Variants in CSMD1 observed in about 807,000 individuals in gnomAD.
The protein encoded by CSMD1 is CUB and sushi domain-containing protein 1.
Under a neutral mutation model 417.5 loss-of-function variants are expected in CSMD1, and 213 were observed. The observed-to-expected ratio is 0.51, with a 90% CI of 0.46 to 0.57. CSMD1 has a LOEUF of 0.57. CSMD1 is among the 20% of genes least tolerant of loss of function. The pLI is 0.00. For synonymous variants in CSMD1, 2,862 were observed against 1,736.8 expected (o/e 1.65, Z -16.11); for missense variants, 6,923 against 4,529.7 (o/e 1.53, Z -15.17).
intron 55 of CSMD1, among the ~76,000 whole-genome samples, chr8:2,976,682 C>T (rs754579237): frequency 6.6e-6 from 1 of 152,132 alleles, no homozygotes; most frequent in East Asian, 1.9e-4. Flanking sequence ...ATGCATAGGA[C>T]AAAGATCAGA....
In CSMD1 at chr8:3,985,011, T is replaced by G. The variant is rs566040997; in HGVS notation, c.818+12892A>C. Among the ~76,000 whole-genome samples the G allele has an allele frequency of 5.9e-5, 9 of 152,234 alleles. No individual in the cohort carries two copies. In the East Asian group the frequency reaches 1.4e-3, roughly 23 times the overall value. ...TCCGATACTGGGAAAATCACGGATC[T>G]CATAAGGTGGCTCTGACCACATTTT... is the stretch of plus-strand genomic sequence containing the variant. On this transcript the variant is annotated intron_variant, in intron 5 of 69. Coordinates refer to ENST00000635120, the MANE Select transcript of CSMD1 (RefSeq NM_033225.6).
chr8:3,629,752 C>G (rs998902200), intron 7 of CSMD1, among the ~76,000 whole-genome samples: 11 of 152,226 alleles, frequency 7.2e-5, no homozygotes, highest in African/African-American at 2.4e-4. Flanking sequence ...AAAAGAAACA[C>G]ACACCTTTCA....
chr8:2,984,353 T>C (rs1273167882), intron 54 of CSMD1, among the ~76,000 whole-genome samples: 1 of 152,034 alleles, frequency 6.6e-6, no homozygotes, highest in Non-Finnish European at 1.5e-5. Flanking sequence ...TATTTACTTT[T>C]TCTTTTTTCC....
chr8:3,593,315 G>A (rs1800944062), intron 8 of CSMD1, among the ~76,000 whole-genome samples: 1 of 152,222 alleles, frequency 6.6e-6, no homozygotes, highest in Non-Finnish European at 1.5e-5. Context: ...GCCTCATGGA[G>A]AAGCCCCTGT....
In CSMD1 at chr8:4,336,544, C is replaced by T. The variant is rs533110898; in HGVS notation, c.415+83409G>A. On this transcript the variant is annotated intron_variant, in intron 3 of 69. Transcript: ENST00000635120. Reference sequence around the variant, plus strand: ...AACGTGTTCGATGAATGTCATGCTGCTTGTTTTCTAGATGGTTTCCAGTGG... The same window carrying T: ...AACGTGTTCGATGAATGTCATGCTGTTTGTTTTCTAGATGGTTTCCAGTGG... Among the ~76,000 whole-genome samples, 14 of 152,266 alleles carry T rather than the reference C, an allele frequency of 9.2e-5. No homozygotes were observed. The East Asian group carries it at 1.2e-3, about 13-fold the overall frequency.
rs184796939 is a variant in CSMD1 at position 4,418,265 on chromosome 8, T to C, written c.415+1688A>G. Among the ~76,000 whole-genome samples, 25 of 152,310 alleles carry C rather than the reference T, an allele frequency of 1.6e-4. No homozygotes were observed. The East Asian group carries it at 4.2e-3, about 26-fold the overall frequency. ...AAATAAATCCAAGTTACTCAACTTA[T>C]GGCCCTATTCCATTTTCTAGAAAGT... On this transcript the variant is annotated intron_variant, in intron 3 of 69. Transcript: ENST00000635120.
At chr8:4,133,398 A>G (rs1453372664) in intron 3 of CSMD1, among the ~76,000 whole-genome samples, 5 of 152,162 alleles carry the variant, frequency 3.3e-5, no homozygotes, top group African/African-American at 1.2e-4. Context: ...ATATACCTTC[A>G]CACCTCTGTG....
At chr8:4,257,116 G>T (rs1437518860) in intron 3 of CSMD1, among the ~76,000 whole-genome samples, 2 of 152,058 alleles carry the variant, frequency 1.3e-5, no homozygotes, top group Non-Finnish European at 2.9e-5. Context: ...TACTCTATAT[G>T]AGTCATACTC....
intron 6 of CSMD1, among the ~76,000 whole-genome samples, chr8:3,744,725 G>C (rs192662021): frequency 3.0e-4 from 45 of 152,332 alleles, no homozygotes; most frequent in South Asian, 1.2e-3. Context: ...GAAATGAAGA[G>C]TCAGTGACTT....
chr8:4,481,885 G>C (rs190955378), intron 2 of CSMD1, among the ~76,000 whole-genome samples: 36 of 152,248 alleles, frequency 2.4e-4, no homozygotes, highest in African/African-American at 8.4e-4. Flanking sequence ...AGCACAATGA[G>C]ATCAAGTAGC....
chr8:3,797,538 T>C (rs925360519), intron 5 of CSMD1, among the ~76,000 whole-genome samples: 6 of 151,966 alleles, frequency 3.9e-5, no homozygotes, highest in African/African-American at 1.4e-4. Flanking sequence ...GCAAGCTCTC[T>C]TAAATTTGGA....
At position 4,869,349 on chromosome 8, in the gene CSMD1, C is replaced by G. The variant is rs75688760; in HGVS notation, c.85+124983G>C. 8.1e-3 allele frequency among the ~76,000 whole-genome samples: 1,224 copies of G among 151,962 alleles called. 27 individuals carry two copies. Among genetic ancestry groups the G allele is most frequent in the African/African-American group, 0.028 (1,150 of 41,398 alleles). On this transcript the variant is annotated intron_variant, in intron 1 of 69. Coordinates refer to ENST00000635120, the MANE Select transcript of CSMD1 (RefSeq NM_033225.6). ...TCTGTAGGGAAACTGGATCTCTTTC[C>G]TTTATGTTAATGCTCTCTGTATTTT...
intron 1 of CSMD1, among the ~76,000 whole-genome samples, chr8:4,818,175 T>C (rs769095952): frequency 5.3e-5 from 8 of 152,178 alleles, no homozygotes; most frequent in Non-Finnish European, 5.9e-5. Context: ...TTATATATTC[T>C]CAATATATCA....
Position 3,399,464 on chromosome 8 carries a change from A to AGG in CSMD1, c.2331_2332insCC (p.Tyr778ProfsTer11). ...CATTCACAATGTAAAGAATCCTTATAATATCCTGGCCATCCAGGAGGCAAA... is the reference window on the plus strand; with the variant it reads ...CATTCACAATGTAAAGAATCCTTATAGGATATCCTGGCCATCCAGGAGGCAAA... On this transcript the variant is annotated frameshift_variant, in exon 16 of 70. Coordinates refer to ENST00000635120, the MANE Select transcript of CSMD1 (RefSeq NM_033225.6). LOFTEE classifies it high-confidence loss of function. The AGG allele has an allele frequency of 6.2e-7, 1 of 1,610,426 alleles. No individual in the cohort carries two copies. Among genetic ancestry groups the AGG allele is most frequent in the Non-Finnish European group, 8.5e-7 (1 of 1,178,216 alleles).
At chr8:3,567,223 G>C (rs1262634295) in intron 10 of CSMD1, among the ~76,000 whole-genome samples, 1 of 152,046 alleles carries the variant, frequency 6.6e-6, no homozygotes. Context: ...AATGGTGAAA[G>C]TACATGGACA....
chr8:4,417,791 C>T (rs556597824), intron 3 of CSMD1, among the ~76,000 whole-genome samples: 1 of 151,908 alleles, frequency 6.6e-6, no homozygotes, highest in Admixed American at 6.6e-5. Context: ...ACTTCATATA[C>T]ATATATATAC....
intron 5 of CSMD1, among the ~76,000 whole-genome samples, chr8:3,831,742 T>A (rs1436249789): frequency 1.3e-5 from 2 of 152,136 alleles, no homozygotes; most frequent in African/African-American, 4.8e-5. Flanking sequence ...CCAAATACAG[T>A]TCTCGGATGG....
rs760344687 is a variant in CSMD1, at chr8:3,734,579, C to T, written c.931+19351G>A. 1.1e-4 allele frequency among the ~76,000 whole-genome samples: 17 copies of T among 152,218 alleles called. 1 individual carries two copies. Among genetic ancestry groups the T allele is most frequent in the South Asian group, 4.2e-4 (2 of 4,814 alleles). ...TACCCAAAATAGCTAGGCCTGGTGG[C>T]GGGCACCTATAATCCCAACTACTCG... On this transcript the variant is annotated intron_variant, in intron 6 of 69. Coordinates refer to ENST00000635120, the MANE Select transcript of CSMD1 (RefSeq NM_033225.6).
chr8:4,949,384 C>A (rs757979407), intron 1 of CSMD1, among the ~76,000 whole-genome samples: 27 of 152,174 alleles, frequency 1.8e-4, no homozygotes, highest in Non-Finnish European at 3.5e-4. Context: ...TTGCAGTCAT[C>A]TATACCTTCA....
Sources: gnomAD v4.1 joint callset for allele counts (sites outside exome capture counted in the v4.1 genomes callset) on GRCh38, gnomAD v4.1.1 for gene constraint, MANE v1.5 for transcripts, NCBI Gene and HGNC (gene_info 2026-07-23, HGNC 2026-07-21) for gene names.